PCDHA11: variants seen among roughly 807,000 people sequenced by gnomAD.
PCDHA11 encodes protocadherin alpha 11.
A neutral mutation model predicts 70.3 loss-of-function variants in PCDHA11; 61 were observed. The observed-to-expected ratio is 0.87, with a 90% CI of 0.71 to 1.07. The LOEUF (loss-of-function observed/expected upper bound fraction) is 1.07, where lower values mean the gene tolerates loss of function less well. PCDHA11 is among the 50% of genes least tolerant of loss of function. The pLI, the probability that PCDHA11 is intolerant of heterozygous loss-of-function variation, is 0.00. For synonymous variants in PCDHA11, 633 were observed against 555.1 expected (o/e 1.14, Z -1.97); for missense variants, 1,324 against 1,237.5 (o/e 1.07, Z -1.05).
At chr5:140,962,319 T>A (rs1585921663) in intron 1 of PCDHA11, among the ~76,000 whole-genome samples, 1 of 152,226 alleles carries the variant, frequency 6.6e-6, no homozygotes, top group Admixed American at 6.5e-5. Context: ...GCCATCTCAA[T>A]TGAGAATACT....
At chr5:140,962,622 G>A (rs1389569825) in intron 1 of PCDHA11, among the ~76,000 whole-genome samples, 2 of 152,130 alleles carry the variant, frequency 1.3e-5, no homozygotes, top group African/African-American at 2.4e-5. Context: ...AGGGAGATGT[G>A]AAAAAATTTA....
chr5:141,000,616 C>A (rs1227863226), intron 3 of PCDHA11, among the ~76,000 whole-genome samples: 1 of 150,774 alleles, frequency 6.6e-6, no homozygotes, highest in African/African-American at 2.4e-5. Context: ...TTAGTAGAGA[C>A]AGGGTTTCAC....
At chr5:140,884,391 C>G in intron 1 of PCDHA11, 1 of 1,613,982 alleles carries the variant, frequency 6.2e-7, no homozygotes, top group Non-Finnish European at 8.5e-7. Flanking sequence ...TGCGCGGTGT[C>G]CAGCCTGTTG....
In PCDHA11 at chr5:140,883,463, T is replaced by C. The variant is rs1028584234; in HGVS notation, c.2391+11969T>C. On this transcript the variant is annotated intron_variant, in intron 1 of 3. Transcript: ENST00000398640. ...GCCGCATGTCCCCTTCAAGCTGGTGTCCACCTACAAGAACTACTACTCATT... is the reference window on the plus strand; with the variant it reads ...GCCGCATGTCCCCTTCAAGCTGGTGCCCACCTACAAGAACTACTACTCATT... 44 of 1,614,040 alleles carry C rather than the reference T, an allele frequency of 2.7e-5. No individual in the cohort carries two copies. Among genetic ancestry groups the C allele is most frequent in the Non-Finnish European group, 3.6e-5 (42 of 1,180,048 alleles).
At chr5:140,881,471 G>T (rs1420508750) in intron 1 of PCDHA11, 1 of 555,772 alleles carries the variant, frequency 1.8e-6, no homozygotes, top group Non-Finnish European at 2.3e-6. Flanking sequence ...CATTGTTGTG[G>T]CTAAATTATT....
chr5:140,921,779 T>C (rs1584242105), intron 1 of PCDHA11, among the ~76,000 whole-genome samples: 2 of 152,246 alleles, frequency 1.3e-5, no homozygotes, highest in East Asian at 3.9e-4. Context: ...AATACTGACT[T>C]GGATGTTCTA....
chr5:140,978,794 T>A, intron 1 of PCDHA11, 155 bp from the exon 2 acceptor site: 1 of 978,746 alleles, frequency 1.0e-6, no homozygotes, highest in Non-Finnish European at 1.2e-6. Flanking sequence ...GTGCTATATA[T>A]GTAGATATCA....
At chr5:140,883,331 T>C (rs782330597) in intron 1 of PCDHA11, 1 of 1,614,064 alleles carries the variant, frequency 6.2e-7, no homozygotes, top group East Asian at 2.2e-5. Flanking sequence ...CATCACTTCT[T>C]TGTCACTCCC....
intron 1 of PCDHA11, chr5:140,876,486 G>T (rs2153341413): frequency 6.2e-7 from 1 of 1,614,014 alleles, no homozygotes; most frequent in Non-Finnish European, 8.5e-7. Context: ...TGGTCCTGGT[G>T]GAAGTTCTGG....
chr5:141,001,489 T>C (rs2098020927), intron 3 of PCDHA11, among the ~76,000 whole-genome samples: 3 of 152,236 alleles, frequency 2.0e-5, no homozygotes. Context: ...GTGCTGGAAA[T>C]GCTAGCCCAG....
intron 1 of PCDHA11, among the ~76,000 whole-genome samples, chr5:140,920,648 A>G (rs1465559942): frequency 1.3e-5 from 2 of 152,148 alleles, no homozygotes; most frequent in Non-Finnish European, 2.9e-5. Flanking sequence ...GATTGAGACC[A>G]TCCTTGCCAA....
intron 1 of PCDHA11, among the ~76,000 whole-genome samples, chr5:140,956,385 T>C (rs1313427005): frequency 6.6e-6 from 1 of 152,198 alleles, no homozygotes; most frequent in Non-Finnish European, 1.5e-5. Flanking sequence ...ATCGAAGGCC[T>C]TTTCTGAATC....
chr5:140,925,299 T>C (rs2082428309), intron 1 of PCDHA11, among the ~76,000 whole-genome samples: 1 of 152,200 alleles, frequency 6.6e-6, no homozygotes, highest in African/African-American at 2.4e-5. Context: ...GTTTCATTAT[T>C]GGGGCTTTGG....
At chr5:140,901,930 C>G (rs902948893) in intron 1 of PCDHA11, among the ~76,000 whole-genome samples, 2 of 151,400 alleles carry the variant, frequency 1.3e-5, no homozygotes, top group Admixed American at 1.3e-4. Flanking sequence ...TTGGTTAATT[C>G]CTAGGTATAT....
In PCDHA11 at chr5:140,871,176, G is replaced by T; in HGVS notation, c.2073G>T (p.Ala691=). ...TLAGAASPEA[A]LVDVNVYLII... ...CGGGCGCCGCGAGCCCAGAGGCTGC[G>T]CTGGTGGATGTCAACGTGTACCTGA... is the stretch of plus-strand genomic sequence containing the variant. The change falls in exon 1 of 4, where the codon GCG becomes GCT. Residue 691 remains alanine, a synonymous_variant. Coordinates refer to ENST00000398640, the MANE Select transcript of PCDHA11 (RefSeq NM_018902.5). The T allele has an allele frequency of 6.2e-7, 1 of 1,613,534 alleles. No individual in the cohort carries two copies. The highest frequency in any genetic ancestry group is 1.3e-5 in the African/African-American group (1 of 75,068).
chr5:140,893,111 T>G (rs2063826181), intron 1 of PCDHA11, among the ~76,000 whole-genome samples: 1 of 152,236 alleles, frequency 6.6e-6, no homozygotes, highest in Non-Finnish European at 1.5e-5. Flanking sequence ...TATTCCGTTG[T>G]GCATATACAC....
At chr5:140,956,156 T>C (rs1467785699) in intron 1 of PCDHA11, among the ~76,000 whole-genome samples, 1 of 152,204 alleles carries the variant, frequency 6.6e-6, no homozygotes, top group Non-Finnish European at 1.5e-5. Flanking sequence ...TCTTTCCTAA[T>C]TGCCATAGCC....
intron 1 of PCDHA11, among the ~76,000 whole-genome samples, chr5:140,899,359 T>C (rs1247414230): frequency 6.6e-6 from 1 of 152,116 alleles, no homozygotes; most frequent in Non-Finnish European, 1.5e-5. Context: ...TTTTGAGATA[T>C]GTCCCATCAA....
intron 1 of PCDHA11, chr5:140,877,349 T>C (rs1554169631): frequency 1.2e-6 from 2 of 1,613,984 alleles, no homozygotes; most frequent in Admixed American, 3.3e-5. Context: ...CACGTGGGGC[T>C]GTACACTGGC....
Sources: gnomAD v4.1 joint callset for allele counts (sites outside exome capture counted in the v4.1 genomes callset) on GRCh38, gnomAD v4.1.1 for gene constraint, MANE v1.5 for transcripts, NCBI Gene and HGNC (gene_info 2026-07-23, HGNC 2026-07-21) for gene names.